SHISA9: variants seen among roughly 807,000 people sequenced by gnomAD.
SHISA9 encodes the protein shisa family member 9.
In SHISA9, 13 loss-of-function variants were observed where a neutral mutation model predicts 38.0. The ratio of observed to expected loss-of-function variants is 0.34; its 90% CI spans 0.22 to 0.54. The LOEUF (loss-of-function observed/expected upper bound fraction) is 0.54, where lower values mean the gene tolerates loss of function less well. SHISA9 is among the 20% of genes least tolerant of loss of function. SHISA9 has a pLI of 0.91. For missense variants in SHISA9, 538 were observed against 575.8 expected (o/e 0.93, Z 0.67); for synonymous variants, 275 against 242.0 (o/e 1.14, Z -1.27).
intron 2 of SHISA9, among the ~76,000 whole-genome samples, chr16:13,126,797 G>A (rs1190341623): frequency 2.2e-5 from 3 of 138,690 alleles, no homozygotes; most frequent in Non-Finnish European, 4.7e-5. Flanking sequence ...AGAGACTGAG[G>A]GGAGGAGAGA....
At chr16:13,205,984 C>T (rs567777700) in intron 3 of SHISA9, among the ~76,000 whole-genome samples, 4 of 150,432 alleles carry the variant, frequency 2.7e-5, no homozygotes, top group Non-Finnish European at 5.9e-5. Flanking sequence ...CAGCTGGTCT[C>T]GAACTCCTGA....
In SHISA9 at chr16:12,983,626, C is replaced by G. The variant is rs181315755; in HGVS notation, c.691+66811C>G. Among the ~76,000 whole-genome samples, 460 of 152,278 alleles carry G rather than the reference C, an allele frequency of 3.0e-3. 3 individuals carry two copies. The highest frequency in any genetic ancestry group is 0.011 in the African/African-American group (440 of 41,540). On this transcript the variant is annotated intron_variant, in intron 2 of 4. Coordinates refer to ENST00000558583, the MANE Select transcript of SHISA9 (RefSeq NM_001145204.3). ...GCCTCAACCTCCCAAGTAGCTGGGA[C>G]TACAGGCGCCCGCCACCATGCCTGG...
At chr16:13,455,714 G>C in the SHISA9 span, among the ~76,000 whole-genome samples, 2 of 152,142 alleles carry the variant, frequency 1.3e-5, no homozygotes, top group African/African-American at 2.4e-5. Context: ...ACGGTGCCAG[G>C]TTTGCATCTG....
chr16:12,985,249 A>ATAAG (rs2072292941), intron 2 of SHISA9, among the ~76,000 whole-genome samples: 1 of 138,566 alleles, frequency 7.2e-6, no homozygotes, highest in Non-Finnish European at 1.5e-5. Flanking sequence ...AAGTAAATAA[A>ATAAG]TAAATAAATA....
chr16:13,501,940 T>C, the SHISA9 span, among the ~76,000 whole-genome samples: 3 of 151,088 alleles, frequency 2.0e-5, no homozygotes, highest in Non-Finnish European at 4.4e-5. Context: ...AGGTGGAGGT[T>C]GCAGTGAGCC....
the SHISA9 span, among the ~76,000 whole-genome samples, chr16:13,348,443 G>A: frequency 6.6e-6 from 1 of 151,940 alleles, no homozygotes; most frequent in South Asian, 2.1e-4. Context: ...CATCTCACAT[G>A]AGGCATGTAC....
chr16:13,558,890 G>A, the SHISA9 span, among the ~76,000 whole-genome samples: 1 of 152,188 alleles, frequency 6.6e-6, no homozygotes, highest in Non-Finnish European at 1.5e-5. Context: ...TCAGGGCTCT[G>A]CACATTTCTG....
chr16:13,440,158 G>A, the SHISA9 span, among the ~76,000 whole-genome samples: 2 of 152,174 alleles, frequency 1.3e-5, no homozygotes, highest in Non-Finnish European at 1.5e-5. Context: ...GAATTTGAAG[G>A]TGGTTTCTTA....
chr16:13,263,245 C>T, the SHISA9 span, among the ~76,000 whole-genome samples: 2 of 152,120 alleles, frequency 1.3e-5, no homozygotes, highest in African/African-American at 4.8e-5. Context: ...TTGTGGATAC[C>T]TCCCAATAAC....
In SHISA9 at chr16:12,902,407, C is replaced by T. The variant is rs1360275739; in HGVS notation, c.343C>T (p.Leu115=). Residue 115 remains leucine (L), a synonymous_variant, in exon 1 of 5, where the codon CTG becomes TTG. Transcript: ENST00000558583. The part of the protein sequence containing the change: ...RFCCTFKKRR[L]NQSTCTNYDT... ...CTGCTGCACGTTTAAGAAGCGGCGA[C>T]TGAACCAAAGCACCTGCACCAACTA... 3 of 1,551,170 alleles carry T rather than the reference C, an allele frequency of 1.9e-6. No homozygotes were observed. The highest frequency in any genetic ancestry group is 1.4e-5 in the African/African-American group (1 of 73,044).
intron 2 of SHISA9, among the ~76,000 whole-genome samples, chr16:12,931,422 C>G (rs1016892015): frequency 2.6e-5 from 4 of 152,126 alleles, no homozygotes; most frequent in Non-Finnish European, 5.9e-5. Context: ...TTTTCCAGCC[C>G]TTGTATCCCA....
intron 2 of SHISA9, among the ~76,000 whole-genome samples, chr16:13,020,297 A>T (rs189580897): frequency 9.9e-5 from 15 of 151,970 alleles, no homozygotes; most frequent in East Asian, 9.7e-4. Context: ...CAGTGCTGGG[A>T]TTACAGATGT....
At chr16:13,279,058 T>C in the SHISA9 span, among the ~76,000 whole-genome samples, 1 of 152,048 alleles carries the variant, frequency 6.6e-6, no homozygotes, top group Non-Finnish European at 1.5e-5. Flanking sequence ...GCTATAAACT[T>C]TCCTCTTTGC....
At chr16:13,371,150 G>A in the SHISA9 span, among the ~76,000 whole-genome samples, 2 of 152,174 alleles carry the variant, frequency 1.3e-5, no homozygotes, top group South Asian at 4.1e-4. Flanking sequence ...GGCAGTGTTA[G>A]GTAACTTATC....
chr16:13,304,297 C>T, the SHISA9 span, among the ~76,000 whole-genome samples: 1 of 152,252 alleles, frequency 6.6e-6, no homozygotes, highest in Non-Finnish European at 1.5e-5. Context: ...CTCACTCTGT[C>T]ACCTGGGCTG....
At chr16:13,473,811 G>GT in the SHISA9 span, among the ~76,000 whole-genome samples, 8 of 151,702 alleles carry the variant, frequency 5.3e-5, no homozygotes, top group South Asian at 2.1e-4. Context: ...GTTTGTGTGT[G>GT]TTCTTTTTTA....
chr16:13,008,029 C>T (rs564900905), intron 2 of SHISA9, among the ~76,000 whole-genome samples: 15 of 152,256 alleles, frequency 9.9e-5, no homozygotes, highest in East Asian at 5.8e-4. Context: ...CTCTTCCTGA[C>T]GGTTTTCTCC....
At chr16:13,506,906 G>T in the SHISA9 span, among the ~76,000 whole-genome samples, 3 of 151,992 alleles carry the variant, frequency 2.0e-5, no homozygotes, top group Admixed American at 6.6e-5. Context: ...AGCCGGGCAT[G>T]GTGGTGTGCG....
intron 2 of SHISA9, among the ~76,000 whole-genome samples, chr16:12,923,352 A>C (rs1409177307): frequency 6.6e-6 from 1 of 152,140 alleles, no homozygotes; most frequent in Non-Finnish European, 1.5e-5. Flanking sequence ...AATGTGGCGA[A>C]ACCGTGTCCC....
Sources: allele counts gnomAD v4.1 joint callset (sites outside exome capture counted in the v4.1 genomes callset), GRCh38; gene constraint gnomAD v4.1.1; transcripts MANE v1.5; gene names NCBI Gene and HGNC (gene_info 2026-07-23, HGNC 2026-07-21).